Variants in SND1 observed in about 807,000 individuals in gnomAD.
The protein encoded by SND1 is staphylococcal nuclease and tudor domain containing 1.
In SND1, 38 loss-of-function variants were observed where a neutral mutation model predicts 121.7. That is an observed-to-expected ratio of 0.31 (90% CI 0.24 to 0.41). The LOEUF (loss-of-function observed/expected upper bound fraction) is 0.41, where lower values mean the gene tolerates loss of function less well. Among genes scored for constraint, SND1 ranks in the 10% least tolerant of loss-of-function variants. The pLI is 1.00. For synonymous variants in SND1, 401 were observed against 447.4 expected (o/e 0.90, Z 1.31); for missense variants, 868 against 1,184.6 (o/e 0.73, Z 3.92).
chr7:127,937,753 A>C (rs557511288), intron 15 of SND1, among the ~76,000 whole-genome samples: 1 of 152,312 alleles, frequency 6.6e-6, no homozygotes, highest in South Asian at 2.1e-4. Flanking sequence ...TAATGAGAGG[A>C]GGGAAGGGAA....
intron 16 of SND1, among the ~76,000 whole-genome samples, chr7:128,032,561 C>A (rs1256459487): frequency 6.6e-6 from 1 of 151,858 alleles, no homozygotes; most frequent in African/African-American, 2.4e-5. Flanking sequence ...ACCCGGGGCC[C>A]CCTGGCTCTG....
chr7:128,077,302 G>A (rs1269591605), intron 17 of SND1, among the ~76,000 whole-genome samples: 2 of 152,256 alleles, frequency 1.3e-5, no homozygotes, highest in Admixed American at 1.3e-4. Flanking sequence ...GGGACTCCCT[G>A]AGGAGGAAAT....
At chr7:128,031,664 G>A (rs1792607811) in intron 16 of SND1, 1 of 146,714 alleles carries the variant, frequency 6.8e-6, no homozygotes, top group South Asian at 2.1e-4. Flanking sequence ...CCGGCCGGAG[G>A]AGCGCGCGGC....
chr7:128,088,279 TAAAAAAAAAAAAA>T (rs35128808), intron 21 of SND1, among the ~76,000 whole-genome samples: 39 of 104,342 alleles, frequency 3.7e-4, no homozygotes, highest in Non-Finnish European at 5.8e-4. Context: ...ACCCTGTCTC[TAAAAAAAAAAAAA>T]AAAAAAAAAA....
chr7:127,702,304 T>C, intron 5 of SND1, 131 bp from the exon 6 acceptor site: 1 of 731,970 alleles, frequency 1.4e-6, no homozygotes, highest in Non-Finnish European at 2.4e-6. Context: ...AAGTGCATCC[T>C]TACTTTTCAG....
At chr7:127,962,847 C>G (rs1412972326) in intron 15 of SND1, among the ~76,000 whole-genome samples, 1 of 152,166 alleles carries the variant, frequency 6.6e-6, no homozygotes, top group Non-Finnish European at 1.5e-5. Flanking sequence ...CTACAACTTG[C>G]AATCAGGCAT....
intron 10 of SND1, among the ~76,000 whole-genome samples, chr7:127,789,276 T>C (rs1797868299): frequency 6.6e-6 from 1 of 152,212 alleles, no homozygotes. Flanking sequence ...TATAGTTCTA[T>C]CAATTGTCTG....
At chr7:127,743,269 A>AT (rs1272355813) in intron 10 of SND1, among the ~76,000 whole-genome samples, 1 of 152,212 alleles carries the variant, frequency 6.6e-6, no homozygotes, top group African/African-American at 2.4e-5. Context: ...AATGTTTTCA[A>AT]TTTGAAGAGA....
chr7:128,080,647 G>A (rs577582755), intron 17 of SND1, among the ~76,000 whole-genome samples: 1 of 152,282 alleles, frequency 6.6e-6, no homozygotes, highest in African/African-American at 2.4e-5. Flanking sequence ...AGAGGTGCGG[G>A]TGTGAGGAGC....
intron 16 of SND1, among the ~76,000 whole-genome samples, chr7:128,025,265 C>A (rs1279913468): frequency 6.6e-6 from 1 of 152,166 alleles, no homozygotes; most frequent in African/African-American, 2.4e-5. Context: ...TAAGTATGTT[C>A]TTGATAGCCA....
intron 14 of SND1, among the ~76,000 whole-genome samples, chr7:127,922,051 C>T (rs902893627): frequency 7.2e-5 from 11 of 151,864 alleles, no homozygotes; most frequent in South Asian, 2.1e-4. Flanking sequence ...TGCAGTGGTG[C>T]GCCATCACTG....
intron 13 of SND1, among the ~76,000 whole-genome samples, chr7:127,895,772 AG>A (rs1800107189): frequency 6.6e-6 from 1 of 152,116 alleles, no homozygotes; most frequent in South Asian, 2.1e-4. Flanking sequence ...TCTGCATTTA[AG>A]GCAGCACAAA....
chr7:127,971,877 A>G (rs1260753293), intron 15 of SND1, among the ~76,000 whole-genome samples: 3 of 151,388 alleles, frequency 2.0e-5, no homozygotes, highest in Non-Finnish European at 2.9e-5. Flanking sequence ...GGTTCAAGCA[A>G]TTCTCCTGCC....
chr7:128,088,578 G>A (rs999387834), intron 21 of SND1, among the ~76,000 whole-genome samples: 5 of 149,466 alleles, frequency 3.3e-5, no homozygotes, highest in Admixed American at 1.4e-4. Context: ...TCAGCCTTCC[G>A]AGTAGCTGGG....
intron 16 of SND1, among the ~76,000 whole-genome samples, chr7:128,008,735 G>C (rs1346376415): frequency 6.6e-6 from 1 of 152,166 alleles, no homozygotes; most frequent in African/African-American, 2.4e-5. Context: ...GGGTCTGGGG[G>C]TTTCTCCCAC....
intron 11 of SND1, among the ~76,000 whole-genome samples, chr7:127,840,600 G>A (rs980279130): frequency 5.3e-5 from 8 of 152,190 alleles, no homozygotes; most frequent in African/African-American, 1.9e-4. Context: ...AGACGAAGAT[G>A]TTGCTAAGAT....
chr7:127,671,174 T>G (rs1191674262), intron 1 of SND1, among the ~76,000 whole-genome samples: 1 of 152,222 alleles, frequency 6.6e-6, no homozygotes, highest in Non-Finnish European at 1.5e-5. Flanking sequence ...CTATCACTGA[T>G]GCTCTACAAC....
intron 12 of SND1, among the ~76,000 whole-genome samples, chr7:127,852,477 G>T (rs1337999163): frequency 6.4e-5 from 9 of 141,662 alleles, no homozygotes; most frequent in Admixed American, 5.9e-4. Flanking sequence ...GGGTGACAAA[G>T]TGAGACTCCC....
chr7:128,038,696 T>C (rs1392704555), intron 16 of SND1, among the ~76,000 whole-genome samples: 1 of 151,980 alleles, frequency 6.6e-6, no homozygotes, highest in Non-Finnish European at 1.5e-5. Context: ...GGGTTTTTTT[T>C]TTTGAGGTAA....
Sources: gnomAD v4.1 joint callset for allele counts (sites outside exome capture counted in the v4.1 genomes callset) on GRCh38, gnomAD v4.1.1 for gene constraint, MANE v1.5 for transcripts, NCBI Gene and HGNC (gene_info 2026-07-23, HGNC 2026-07-21) for gene names.